Variants in CDH4 observed in about 807,000 individuals in gnomAD.
CDH4 encodes the protein cadherin 4.
A neutral mutation model predicts 86.0 loss-of-function variants in CDH4; 33 were observed. The ratio of observed to expected loss-of-function variants is 0.38; its 90% confidence interval spans 0.29 to 0.51. The LOEUF (loss-of-function observed/expected upper bound fraction) is 0.51, where lower values mean the gene tolerates loss of function less well. Ranked by LOEUF, CDH4 falls within the 20% of genes least tolerant of loss-of-function variation. The probability of loss-of-function intolerance (pLI) is 0.86; values close to 1 mark genes in which losing one functional copy is unlikely to be tolerated. For synonymous variants in CDH4, 555 were observed against 549.4 expected, an observed-to-expected ratio of 1.01 and a Z score of -0.14; for missense variants, 1,114 against 1,307.4, an observed-to-expected ratio of 0.85 and a Z score of 2.28.
intron 4 of CDH4, among the ~76,000 whole-genome samples, chr20:61,844,162 T>C (rs1466885602): frequency 1.3e-5 from 2 of 152,240 alleles, no homozygotes; most frequent in Non-Finnish European, 2.9e-5. Context: ...GCCTGTGTCT[T>C]TCCATTTCCT....
intron 2 of CDH4, among the ~76,000 whole-genome samples, chr20:61,596,781 C>T (rs1277490761): frequency 6.6e-6 from 1 of 152,154 alleles, no homozygotes; most frequent in Non-Finnish European, 1.5e-5. Flanking sequence ...GACTCCTTTC[C>T]AGACTCCTTC....
intron 2 of CDH4, among the ~76,000 whole-genome samples, chr20:61,527,167 A>G (rs1207787237): frequency 2.0e-5 from 3 of 152,250 alleles, no homozygotes; most frequent in African/African-American, 7.2e-5. Context: ...GAGAATCACA[A>G]TCAGTAACCA....
At chr20:61,913,665 C>T (rs1049355393) in intron 9 of CDH4, among the ~76,000 whole-genome samples, 10 of 152,234 alleles carry the variant, frequency 6.6e-5, no homozygotes, top group Admixed American at 1.3e-4. Flanking sequence ...CATCCCCTTC[C>T]GGTTCTTCCT....
At chr20:61,470,860 C>A (rs867288645) in intron 2 of CDH4, among the ~76,000 whole-genome samples, 4 of 152,070 alleles carry the variant, frequency 2.6e-5, no homozygotes, top group Admixed American at 6.6e-5. Context: ...GTATGTTGAA[C>A]CATCTTCGCA....
intron 4 of CDH4, among the ~76,000 whole-genome samples, chr20:61,782,432 A>G (rs1978596904): frequency 6.6e-6 from 1 of 152,218 alleles, no homozygotes; most frequent in East Asian, 1.9e-4. Context: ...AACAAATGAC[A>G]CCAGTTGGAA....
rs530825970 is a variant in CDH4 at position 61,253,360 on chromosome 20, C to T, written c.57+790C>T. Among the ~76,000 whole-genome samples the T allele has an allele frequency of 2.0e-5, 3 of 151,972 alleles. No homozygotes were observed. The South Asian group carries it at 6.2e-4, about 31-fold the overall frequency. On this transcript the variant is annotated intron_variant, in intron 1 of 15. Transcript: ENST00000614565. The stretch of plus-strand genomic sequence containing the variant: ...ATTGCCAGCTTTGCTCTGCGCCTGG[C>T]GAGGTGCGCGGCCCGCGGGGGCAGA...
At chr20:61,577,290 G>A (rs183254029) in intron 2 of CDH4, among the ~76,000 whole-genome samples, 108 of 150,564 alleles carry the variant, frequency 7.2e-4, no homozygotes, top group Admixed American at 1.9e-3. Flanking sequence ...GTGTATTGAA[G>A]GATGAGTGGA....
rs1230410993 is a variant in CDH4, at chr20:61,377,640, A to G, written c.169+122703A>G. 1.3e-5 allele frequency among the ~76,000 whole-genome samples: 2 copies of G among 152,240 alleles called. No individual in the cohort carries two copies. Among genetic ancestry groups the G allele is most frequent in the South Asian group, 2.1e-4 (1 of 4,834 alleles). On this transcript the variant is annotated intron_variant, in intron 2 of 15. Transcript: ENST00000614565. This position sits in a 1 kb window ranked among gnomAD's most constrained non-coding sequence, Gnocchi z 4.0. ...GTAGTGTCTTTAACTTTATCTGAAG[A>G]ACGTGAACCAGATCCCCAGAAAGAA...
Position 61,665,056 on chromosome 20 carries a change from G to C in CDH4, c.170-78507G>C, listed in dbSNP as rs73148384. ...TCTCTAGCTGCCAGGATGTCACCACGTGGGGACGTCGCTGGCACGGGTGGC... is the reference window on the plus strand; with the variant it reads ...TCTCTAGCTGCCAGGATGTCACCACCTGGGGACGTCGCTGGCACGGGTGGC... On this transcript the variant is annotated intron_variant, in intron 2 of 15. Coordinates refer to ENST00000614565, the MANE Select transcript of CDH4 (RefSeq NM_001794.5). Among the ~76,000 whole-genome samples, 1,286 of 152,372 alleles carry C rather than the reference G, an allele frequency of 8.4e-3. 10 individuals are homozygous for C. The highest frequency in any genetic ancestry group is 0.017 in the Middle Eastern group (5 of 294).
rs761344697 is a variant in CDH4 at position 61,844,681 on chromosome 20, A to G, written c.590A>G (p.Lys197Arg). The G allele has an allele frequency of 6.2e-7, 1 of 1,611,906 alleles. No homozygotes were observed. Among genetic ancestry groups the G allele is most frequent in the South Asian group, 1.1e-5 (1 of 90,860 alleles). ...CCTGCCTTTCAGATCCGGTCCGACAAAGACAATGACATCCCCATCCGGTAC... is the reference window on the plus strand; with the variant it reads ...CCTGCCTTTCAGATCCGGTCCGACAGAGACAATGACATCCCCATCCGGTAC... ...PQQLVRIRSD[K>R]DNDIPIRYSI... Residue 197 changes from lysine (K) to arginine (R), a missense_variant, in exon 5 of 16, where the codon AAA becomes AGA. Physicochemically the swap from Lys to Arg is conservative, Grantham distance 26. This residue lies in a region of CDH4 where 705 missense variants were observed against 914.1 expected (regional missense o/e 0.77). Transcript: ENST00000614565.
intron 3 of CDH4, among the ~76,000 whole-genome samples, chr20:61,756,449 C>G (rs1455976889): frequency 6.6e-6 from 1 of 152,090 alleles, no homozygotes; most frequent in Non-Finnish European, 1.5e-5. Flanking sequence ...AGGGTGAACT[C>G]TCTCCTGCAC....
intron 2 of CDH4, among the ~76,000 whole-genome samples, chr20:61,493,127 T>C (rs938197478): frequency 2.6e-5 from 4 of 152,216 alleles, no homozygotes; most frequent in Non-Finnish European, 5.9e-5. Flanking sequence ...GGAATTTTCC[T>C]GGAAATTGAC....
At chr20:61,494,569 A>C (rs2085646624) in intron 2 of CDH4, among the ~76,000 whole-genome samples, 1 of 152,222 alleles carries the variant, frequency 6.6e-6, no homozygotes, top group African/African-American at 2.4e-5. Flanking sequence ...CAGGCTTTTT[A>C]ATAAAATATG....
intron 2 of CDH4, among the ~76,000 whole-genome samples, chr20:61,412,023 A>G (rs973298277): frequency 1.3e-5 from 2 of 152,184 alleles, no homozygotes; most frequent in African/African-American, 4.8e-5. Context: ...GCCAGGATCA[A>G]GGCCGACTCT....
chr20:61,508,846 G>T (rs1046446981), intron 2 of CDH4, among the ~76,000 whole-genome samples: 9 of 152,222 alleles, frequency 5.9e-5, no homozygotes, highest in Admixed American at 3.3e-4. Flanking sequence ...GAGCCCAGAG[G>T]GCAAGGAGGG....
At chr20:61,849,426 C>T (rs1181006691) in intron 5 of CDH4, among the ~76,000 whole-genome samples, 2 of 152,198 alleles carry the variant, frequency 1.3e-5, no homozygotes, top group African/African-American at 4.8e-5. Flanking sequence ...GTTCACCGTG[C>T]TGTAGGTCAG....
chr20:61,322,173 C>T (rs1291580341), intron 2 of CDH4, among the ~76,000 whole-genome samples: 10 of 152,128 alleles, frequency 6.6e-5, no homozygotes, highest in Non-Finnish European at 1.5e-5. Context: ...GGGTTGGTGC[C>T]GTCTGTGTGC....
intron 2 of CDH4, among the ~76,000 whole-genome samples, chr20:61,628,149 C>T (rs1191201334): frequency 1.3e-5 from 2 of 152,198 alleles, no homozygotes; most frequent in African/African-American, 4.8e-5. Flanking sequence ...CCCCGAAGCC[C>T]GCAGCTTCCT....
At chr20:61,254,596 C>G (rs2076520728) in intron 1 of CDH4, among the ~76,000 whole-genome samples, 1 of 152,208 alleles carries the variant, frequency 6.6e-6, no homozygotes, top group African/African-American at 2.4e-5. Context: ...TCCCTGCCTG[C>G]TGTGTGTGGG....
Sources: allele counts gnomAD v4.1 joint callset (sites outside exome capture counted in the v4.1 genomes callset), GRCh38; gene constraint gnomAD v4.1.1; regional missense constraint gnomAD v4.1.1; non-coding constraint Gnocchi (gnomAD v3.1); transcripts MANE v1.5; gene names NCBI Gene and HGNC (gene_info 2026-07-23, HGNC 2026-07-21).